The following GPC3 variants were observed in gnomAD, a reference collection of about 807,000 sequenced individuals.
GPC3 encodes the protein glypican-3.
GPC3 carries 3 observed loss-of-function variants against 34.4 expected under a neutral mutation model. The observed-to-expected ratio is 0.09, with a 90% CI of 0.04 to 0.23. The LOEUF (loss-of-function observed/expected upper bound fraction) is 0.23. Ranked by LOEUF, GPC3 falls within the 10% of genes least tolerant of loss-of-function variation. GPC3 has a pLI of 1.00. For missense variants in GPC3, 351 were observed against 445.6 expected (o/e 0.79, Z 1.91); for synonymous variants, 177 against 174.0 (o/e 1.02, Z -0.13).
chrX:133,768,726 G>C (rs1466387881), intron 2 of GPC3, among the ~76,000 whole-genome samples: 1 of 111,351 alleles, frequency 9.0e-6, no homozygotes, highest in Non-Finnish European at 1.9e-5. Flanking sequence ...ATCACCTGAG[G>C]TCAGGAGTTC....
chrX:133,655,429 AT>A (rs1202919337), intron 6 of GPC3, among the ~76,000 whole-genome samples: 1 of 109,035 alleles, frequency 9.2e-6, no homozygotes, highest in Non-Finnish European at 1.9e-5. Flanking sequence ...GAAGTCATTC[AT>A]TGGCTTTTGC....
rs577827629 is a variant in GPC3 at position 133,902,977 on chromosome X, G to C, written c.337+50073C>G. Among the ~76,000 whole-genome samples the C allele has an allele frequency of 1.7e-4, 19 of 111,003 alleles. No homozygotes were observed. The South Asian group carries it at 6.9e-3, about 40-fold the overall frequency. On this transcript the variant is annotated intron_variant, in intron 2 of 7. Transcript: ENST00000370818. ...ACACCATTTTAGGCCGGGTGCGGTA[G>C]CCCATGCCTGCAATCCCAGCACTTT... is the stretch of plus-strand genomic sequence containing the variant.
At chrX:133,628,343 G>T (rs1468194454) in intron 6 of GPC3, among the ~76,000 whole-genome samples, 2 of 112,179 alleles carry the variant, frequency 1.8e-5, no homozygotes, top group Non-Finnish European at 3.8e-5. Flanking sequence ...TTGGTTGATG[G>T]ATTTGAAGCT....
chrX:133,864,058 T>C (rs887344537), intron 2 of GPC3, among the ~76,000 whole-genome samples: 56 of 112,053 alleles, frequency 5.0e-4, no homozygotes, highest in African/African-American at 1.6e-3. Flanking sequence ...TGGTTATCTT[T>C]ACGTGGAGGA....
At chrX:133,585,960 A>T (rs1359025959) in intron 7 of GPC3, among the ~76,000 whole-genome samples, 2 of 112,025 alleles carry the variant, frequency 1.8e-5, no homozygotes, top group Non-Finnish European at 3.8e-5. Context: ...TACTTACTCA[A>T]TTCTTAGAGT....
chrX:133,649,198 C>G (rs1411185631), intron 6 of GPC3, among the ~76,000 whole-genome samples: 1 of 110,563 alleles, frequency 9.0e-6, no homozygotes, highest in Non-Finnish European at 1.9e-5. Flanking sequence ...CAGACCCCAT[C>G]AAATCCAGCA....
intron 2 of GPC3, among the ~76,000 whole-genome samples, chrX:133,938,932 G>T (rs2076333506): frequency 8.9e-6 from 1 of 111,941 alleles, no homozygotes; most frequent in Non-Finnish European, 1.9e-5. Flanking sequence ...CCAAGTAAAT[G>T]TACAATAGAA....
intron 2 of GPC3, among the ~76,000 whole-genome samples, chrX:133,811,415 G>A (rs2075664935): frequency 1.8e-5 from 2 of 111,481 alleles, no homozygotes; most frequent in African/African-American, 6.5e-5. Flanking sequence ...GAAATTGGTG[G>A]GGGCTGTTTT....
intron 2 of GPC3, among the ~76,000 whole-genome samples, chrX:133,951,383 T>A (rs1187810787): frequency 9.0e-6 from 1 of 110,612 alleles, no homozygotes; most frequent in Non-Finnish European, 1.9e-5. Context: ...AATGTTAAAA[T>A]GCCAGTATGA....
intron 2 of GPC3, among the ~76,000 whole-genome samples, chrX:133,782,804 T>C (rs1460585603): frequency 8.9e-6 from 1 of 111,756 alleles, no homozygotes. Flanking sequence ...ACTGGATGCT[T>C]ATCATATAAA....
intron 2 of GPC3, among the ~76,000 whole-genome samples, chrX:133,811,504 G>A (rs896123480): frequency 1.8e-5 from 2 of 111,210 alleles, no homozygotes; most frequent in African/African-American, 6.6e-5. Flanking sequence ...GTTTGTTTCA[G>A]AATAATTGCA....
chrX:133,539,253 G>T (rs2069321905), intron 7 of GPC3, among the ~76,000 whole-genome samples: 1 of 111,443 alleles, frequency 9.0e-6, no homozygotes, highest in Non-Finnish European at 1.9e-5. Context: ...CAGCTGGTAT[G>T]GGGTAGAAGA....
intron 5 of GPC3, among the ~76,000 whole-genome samples, chrX:133,691,855 T>G (rs996163370): frequency 2.7e-5 from 3 of 112,504 alleles, no homozygotes; most frequent in Non-Finnish European, 3.8e-5. Context: ...TGCTTTAAAC[T>G]CTGTAAAATT....
At chrX:133,964,668 A>T (rs964525556) in intron 1 of GPC3, among the ~76,000 whole-genome samples, 1 of 111,484 alleles carries the variant, frequency 9.0e-6, no homozygotes, top group Non-Finnish European at 1.9e-5. Flanking sequence ...GGCTTAAAAC[A>T]ACTGAAATTT....
intron 2 of GPC3, among the ~76,000 whole-genome samples, chrX:133,793,559 C>T (rs1049326052): frequency 7.2e-5 from 8 of 111,245 alleles, no homozygotes; most frequent in African/African-American, 2.6e-4. Flanking sequence ...CCAGAAATAT[C>T]CTAACTCTGC....
At chrX:133,924,691 T>C (rs2076267647) in intron 2 of GPC3, among the ~76,000 whole-genome samples, 1 of 111,991 alleles carries the variant, frequency 8.9e-6, no homozygotes. Context: ...TAATCACACA[T>C]TGGGACTTAG....
intron 3 of GPC3, among the ~76,000 whole-genome samples, chrX:133,710,945 T>A (rs972117413): frequency 8.9e-6 from 1 of 112,229 alleles, no homozygotes; most frequent in African/African-American, 3.2e-5. Context: ...AAACCATTAA[T>A]GTGCAGATTA....
intron 7 of GPC3, among the ~76,000 whole-genome samples, chrX:133,555,862 GATGA>G: frequency 9.1e-6 from 1 of 110,063 alleles, no homozygotes; most frequent in Non-Finnish European, 1.9e-5. Flanking sequence ...CCACTGAAAT[GATGA>G]ATGCAGCAAT....
chrX:133,750,541 A>T (rs2071656124), intron 3 of GPC3, among the ~76,000 whole-genome samples: 1 of 112,349 alleles, frequency 8.9e-6, no homozygotes, highest in African/African-American at 3.2e-5. Context: ...ATTATGGTGA[A>T]GTGTTCACTA....
Sources: gnomAD v4.1 joint callset for allele counts (sites outside exome capture counted in the v4.1 genomes callset) on GRCh38, gnomAD v4.1.1 for gene constraint, MANE v1.5 for transcripts, NCBI Gene and HGNC (gene_info 2026-07-23, HGNC 2026-07-21) for gene names.